Variants in ARMC2 observed in about 807,000 individuals in gnomAD.
The protein encoded by ARMC2 is armadillo repeat containing 2.
A neutral mutation model predicts 90.3 loss-of-function variants in ARMC2; 67 were observed. The ratio of observed to expected loss-of-function variants is 0.74; its 90% CI spans 0.61 to 0.91. The LOEUF (loss-of-function observed/expected upper bound fraction) is 0.91. Ranked by LOEUF, ARMC2 falls within the 40% of genes least tolerant of loss-of-function variation. ARMC2 has a pLI of 0.00. For missense variants in ARMC2, 920 were observed against 1,030.9 expected, an observed-to-expected ratio of 0.89 and a Z score of 1.47; for synonymous variants, 393 against 393.0, an observed-to-expected ratio of 1.00 and a Z score of 0.00.
the ARMC2 span, among the ~76,000 whole-genome samples, chr6:109,043,123 T>C: frequency 6.6e-6 from 1 of 152,130 alleles, no homozygotes; most frequent in East Asian, 1.9e-4. Flanking sequence ...CAGAAAAACA[T>C]TTGAGTAAAT....
chr6:109,028,470 T>A, the ARMC2 span, among the ~76,000 whole-genome samples: 65 of 152,192 alleles, frequency 4.3e-4, no homozygotes, highest in African/African-American at 1.5e-3. Flanking sequence ...CATTTGCATG[T>A]ATGTATGTTA....
chr6:109,006,553 G>C, the ARMC2 span, among the ~76,000 whole-genome samples: 6 of 151,500 alleles, frequency 4.0e-5, no homozygotes, highest in African/African-American at 1.2e-4. Context: ...CAGTACTAGT[G>C]AGTGGTGGAG....
In ARMC2 at chr6:108,973,516, A is replaced by G. The variant is rs767756600; in HGVS notation, c.*2A>G. The G allele has an allele frequency of 6.2e-6, 10 of 1,607,812 alleles. No homozygotes were observed. The South Asian group carries it at 6.7e-5, about 11-fold the overall frequency. On this transcript the variant is annotated 3_prime_UTR_variant, in exon 18 of 18. Coordinates refer to ENST00000392644, the MANE Select transcript of ARMC2 (RefSeq NM_032131.6). ...CCCCTGCCCATTCCCTCTTTCTAAC[A>G]TGATGCAGATTAACAGTAGAAACGA...
Position 108,904,214 on chromosome 6 carries a change from C to G in ARMC2, c.848-16C>G, listed in dbSNP as rs771573134. 1.9e-6 allele frequency: 3 copies of G among 1,612,750 alleles called. No homozygotes were observed. Among genetic ancestry groups the G allele is most frequent in the Non-Finnish European group, 1.7e-6 (2 of 1,179,458 alleles). Reference sequence around the variant, plus strand: ...CTTAATTAGTAAGTGTTGCTTTACTCTCTTTGCTCTGACAGAAGAAAACAT... The same window carrying G: ...CTTAATTAGTAAGTGTTGCTTTACTGTCTTTGCTCTGACAGAAGAAAACAT... On this transcript the variant is annotated splice_polypyrimidine_tract_variant and intron_variant, in intron 7 of 17. Coordinates refer to ENST00000392644, the MANE Select transcript of ARMC2 (RefSeq NM_032131.6).
At chr6:108,956,718 G>A (rs969053792) in intron 13 of ARMC2, among the ~76,000 whole-genome samples, 15 of 150,560 alleles carry the variant, frequency 1.0e-4, no homozygotes, top group South Asian at 2.1e-4. Context: ...AAGTCCGGGC[G>A]CAGTGGCTCA....
chr6:108,989,025 C>T, the ARMC2 span, among the ~76,000 whole-genome samples: 3 of 152,130 alleles, frequency 2.0e-5, no homozygotes, highest in East Asian at 1.9e-4. Flanking sequence ...ATTATTGAGA[C>T]GGAGTCTTGC....
At chr6:108,975,292 G>A (rs1250964886), downstream of ARMC2, among the ~76,000 whole-genome samples, 3 of 152,090 alleles carry the variant, frequency 2.0e-5, no homozygotes, top group Non-Finnish European at 4.4e-5. Flanking sequence ...TGTTGAGAAT[G>A]ATGGTTTCCA....
chr6:109,041,138 T>TAA, the ARMC2 span, among the ~76,000 whole-genome samples: 9 of 135,074 alleles, frequency 6.7e-5, no homozygotes, highest in African/African-American at 1.1e-4. Flanking sequence ...CTGTTTCTAT[T>TAA]AAAAAAAAAA....
chr6:108,872,877 G>A (rs1776565417), intron 4 of ARMC2, among the ~76,000 whole-genome samples: 1 of 152,176 alleles, frequency 6.6e-6, no homozygotes, highest in South Asian at 2.1e-4. Flanking sequence ...GCTCAAATAG[G>A]TCAGGGAAAC....
intron 17 of ARMC2, among the ~76,000 whole-genome samples, chr6:108,966,776 C>T (rs1778404352): frequency 6.6e-6 from 1 of 151,776 alleles, no homozygotes; most frequent in Non-Finnish European, 1.5e-5. Context: ...AGTTAAAACC[C>T]AAAAAAACTA....
chr6:108,958,906 A>C (rs997852987), intron 13 of ARMC2, among the ~76,000 whole-genome samples: 1 of 152,234 alleles, frequency 6.6e-6, no homozygotes, highest in Non-Finnish European at 1.5e-5. Flanking sequence ...GTAAGGTCAC[A>C]CGGCCAGTGA....
At chr6:108,983,317 A>G in the ARMC2 span, among the ~76,000 whole-genome samples, 4 of 152,124 alleles carry the variant, frequency 2.6e-5, no homozygotes, top group African/African-American at 9.7e-5. Flanking sequence ...TTTGTTGCCC[A>G]TAATTTCTGT....
At chr6:108,871,314 G>C (rs1456223620) in intron 4 of ARMC2, among the ~76,000 whole-genome samples, 1 of 152,148 alleles carries the variant, frequency 6.6e-6, no homozygotes, top group Admixed American at 6.5e-5. Context: ...TGTGATGTAG[G>C]TTTTTTCACC....
intron 4 of ARMC2, among the ~76,000 whole-genome samples, chr6:108,874,930 TA>T (rs1202566062): frequency 6.6e-6 from 1 of 152,120 alleles, no homozygotes; most frequent in Non-Finnish European, 1.5e-5. Flanking sequence ...AGGGGTAGAA[TA>T]GGTGGTTTTG....
the ARMC2 span, among the ~76,000 whole-genome samples, chr6:109,007,093 C>A: frequency 6.6e-6 from 1 of 152,180 alleles, no homozygotes; most frequent in Admixed American, 6.5e-5. Flanking sequence ...AACCTAATAA[C>A]CATCTTTGAA....
At chr6:109,043,092 A>G in the ARMC2 span, among the ~76,000 whole-genome samples, 2 of 152,172 alleles carry the variant, frequency 1.3e-5, no homozygotes, top group Non-Finnish European at 2.9e-5. Context: ...AAGAAAAACC[A>G]TATGTTCATA....
At chr6:108,864,584 A>C (rs549866577) in intron 3 of ARMC2, among the ~76,000 whole-genome samples, 143 of 152,128 alleles carry the variant, frequency 9.4e-4, no homozygotes, top group African/African-American at 3.4e-3. Context: ...TCTGACTTTC[A>C]AGGTGTCTTT....
intron 17 of ARMC2, among the ~76,000 whole-genome samples, chr6:108,968,933 T>A (rs1211358596): frequency 6.6e-6 from 1 of 152,184 alleles, no homozygotes; most frequent in East Asian, 1.9e-4. Flanking sequence ...GGTCTGAAAC[T>A]TCCCATTATA....
At chr6:108,907,564 C>A (rs1182772007) in intron 8 of ARMC2, 8 of 1,466,506 alleles carry the variant, frequency 5.5e-6, no homozygotes, top group Non-Finnish European at 7.5e-6. Flanking sequence ...CACAGAGGGG[C>A]TCGGGCCAAG....
Sources: allele counts gnomAD v4.1 joint callset (sites outside exome capture counted in the v4.1 genomes callset), GRCh38; gene constraint gnomAD v4.1.1; transcripts MANE v1.5; gene names NCBI Gene and HGNC (gene_info 2026-07-23, HGNC 2026-07-21).